Variants in KLF12 observed in about 807,000 individuals in gnomAD.
The protein encoded by KLF12 is KLF transcription factor 12, also known as Krueppel-like factor 12.
Under a neutral mutation model 37.8 loss-of-function variants are expected in KLF12, and 9 were observed. The ratio of observed to expected loss-of-function variants is 0.24; its 90% confidence interval spans 0.14 to 0.42. KLF12 has a LOEUF of 0.42. Among genes scored for constraint, KLF12 ranks in the 10% least tolerant of loss-of-function variants. The pLI is 1.00. For synonymous variants in KLF12, 208 were observed against 202.1 expected, an observed-to-expected ratio of 1.03 and a Z score of -0.25; for missense variants, 411 against 516.0, an observed-to-expected ratio of 0.80 and a Z score of 1.97.
At chr13:73,765,727 C>A (rs891165814) in intron 5 of KLF12, among the ~76,000 whole-genome samples, 1 of 152,156 alleles carries the variant, frequency 6.6e-6, no homozygotes, top group African/African-American at 2.4e-5. Context: ...AAACCTCCGC[C>A]TCTTTGTGGG....
intron 1 of KLF12, among the ~76,000 whole-genome samples, chr13:74,050,540 C>T (rs1431419896): frequency 2.0e-5 from 3 of 152,138 alleles, no homozygotes; most frequent in Admixed American, 1.3e-4. Flanking sequence ...AGAAGATGTA[C>T]TTGACAGACA....
In KLF12 at chr13:73,817,504, A is replaced by G. The variant is rs116931117; in HGVS notation, c.671-4217T>C. 7.4e-3 allele frequency among the ~76,000 whole-genome samples: 1,134 copies of G among 152,330 alleles called. 8 individuals are homozygous for G. Among genetic ancestry groups the G allele is most frequent in the Non-Finnish European group, 0.013 (868 of 68,030 alleles). On this transcript the variant is annotated intron_variant, in intron 4 of 7. Coordinates refer to ENST00000377669, the MANE Select transcript of KLF12 (RefSeq NM_007249.5). ...GCAATGATGGAGATGAACTACAACT[A>G]CAATTACAGTCAGCCTACAACAATA...
At chr13:73,994,229 G>A (rs1194135098) in intron 2 of KLF12, among the ~76,000 whole-genome samples, 1 of 152,144 alleles carries the variant, frequency 6.6e-6, no homozygotes, top group Non-Finnish European at 1.5e-5. Flanking sequence ...AATATGGGAA[G>A]GAAAATATGA....
chr13:74,181,481 A>G, the KLF12 span, among the ~76,000 whole-genome samples: 2 of 150,798 alleles, frequency 1.3e-5, no homozygotes, highest in South Asian at 4.2e-4. Flanking sequence ...TCAGGAGGAG[A>G]CCAGCCTGGC....
the KLF12 span, among the ~76,000 whole-genome samples, chr13:74,211,380 T>C: frequency 1.8e-4 from 28 of 152,210 alleles, no homozygotes; most frequent in African/African-American, 6.5e-4. Flanking sequence ...GAAAGCATTT[T>C]AGACCTCCCT....
chr13:73,799,219 C>T (rs893631621), intron 5 of KLF12, among the ~76,000 whole-genome samples: 23 of 151,864 alleles, frequency 1.5e-4, no homozygotes, highest in Admixed American at 7.2e-4. Flanking sequence ...AGAGAACTTA[C>T]GAACACAAAG....
chr13:73,878,768 G>A (rs1266735015), intron 3 of KLF12, among the ~76,000 whole-genome samples: 1 of 152,158 alleles, frequency 6.6e-6, no homozygotes, highest in African/African-American at 2.4e-5. Flanking sequence ...AATAAAGTAA[G>A]GATGGTGTCC....
At chr13:73,819,131 A>G (rs1296104814) in intron 4 of KLF12, among the ~76,000 whole-genome samples, 1 of 152,196 alleles carries the variant, frequency 6.6e-6, no homozygotes, top group Admixed American at 6.5e-5. Flanking sequence ...TAGGATAAAA[A>G]CATGGCTCTG....
chr13:74,120,353 G>C lies in KLF12; in HGVS notation c.-32+13386C>G, dbSNP rs185677259. Among the ~76,000 whole-genome samples the C allele has an allele frequency of 2.0e-3, 308 of 152,252 alleles. 2 individuals carry two copies. The highest frequency in any genetic ancestry group is 7.0e-3 in the African/African-American group (290 of 41,542). ...AAAAATTAGCTAGGCGTGGTGGCAG[G>C]CGCCTATCAGGAGCTACTCAGGAGC... On this transcript the variant is annotated intron_variant, in intron 1 of 7. Coordinates refer to ENST00000377669, the MANE Select transcript of KLF12 (RefSeq NM_007249.5).
chr13:74,019,990 G>A (rs904762614), intron 1 of KLF12, among the ~76,000 whole-genome samples: 2 of 152,194 alleles, frequency 1.3e-5, no homozygotes, highest in African/African-American at 4.8e-5. Context: ...ATGGCCTGTG[G>A]CCATGTCTTA....
the KLF12 span, among the ~76,000 whole-genome samples, chr13:74,209,605 C>T: frequency 6.6e-6 from 1 of 151,178 alleles, no homozygotes. Flanking sequence ...GGCTAAAAAC[C>T]CCAGGTCCAC....
At chr13:73,840,929 T>C (rs1884701408) in intron 4 of KLF12, among the ~76,000 whole-genome samples, 1 of 152,032 alleles carries the variant, frequency 6.6e-6, no homozygotes, top group Non-Finnish European at 1.5e-5. Context: ...AACCTGCAGC[T>C]CTCTCTTTTT....
the KLF12 span, among the ~76,000 whole-genome samples, chr13:74,189,177 T>C: frequency 6.6e-6 from 1 of 152,206 alleles, no homozygotes; most frequent in Admixed American, 6.5e-5. Flanking sequence ...AACAATTGTT[T>C]CAGTGAACAC....
At chr13:74,274,922 G>A in the KLF12 span, among the ~76,000 whole-genome samples, 1 of 151,892 alleles carries the variant, frequency 6.6e-6, no homozygotes, top group Non-Finnish European at 1.5e-5. Flanking sequence ...TTAAATTTTT[G>A]TGTGGTAAAA....
intron 2 of KLF12, among the ~76,000 whole-genome samples, chr13:73,981,550 C>T (rs1048232693): frequency 1.3e-5 from 2 of 152,008 alleles, no homozygotes; most frequent in South Asian, 2.1e-4. Flanking sequence ...TGTCTCAAAA[C>T]AAACAAAAGT....
chr13:74,228,515 A>G, the KLF12 span, among the ~76,000 whole-genome samples: 1 of 152,144 alleles, frequency 6.6e-6, no homozygotes, highest in Non-Finnish European at 1.5e-5. Flanking sequence ...GTGAGTAAGG[A>G]AATATTAAGC....
At chr13:73,774,298 ACAC>A (rs1226818348) in intron 5 of KLF12, among the ~76,000 whole-genome samples, 1 of 151,376 alleles carries the variant, frequency 6.6e-6, no homozygotes, top group African/African-American at 2.4e-5. Context: ...ACACACACAC[ACAC>A]ATCTATATAT....
chr13:74,210,764 T>C, the KLF12 span, among the ~76,000 whole-genome samples: 1 of 152,212 alleles, frequency 6.6e-6, no homozygotes, highest in East Asian at 1.9e-4. Flanking sequence ...AGCTGGTTTC[T>C]TGGACTCCTG....
intron 1 of KLF12, among the ~76,000 whole-genome samples, chr13:74,100,390 G>T (rs935309581): frequency 3.3e-5 from 5 of 152,138 alleles, no homozygotes; most frequent in Non-Finnish European, 7.3e-5. Context: ...GGCCAAGGTG[G>T]GTGGATCACT....
Sources: gnomAD v4.1 joint callset for allele counts (sites outside exome capture counted in the v4.1 genomes callset) on GRCh38, gnomAD v4.1.1 for gene constraint, MANE v1.5 for transcripts, NCBI Gene and HGNC (gene_info 2026-07-23, HGNC 2026-07-21) for gene names.